The following MORN3 variants were observed in gnomAD, a reference collection of about 807,000 sequenced individuals.
MORN3 encodes the protein MORN repeat-containing protein 3.
In MORN3, 38 loss-of-function variants were observed where a neutral mutation model predicts 34.7. That is an observed-to-expected ratio of 1.10 (90% confidence interval 0.85 to 1.44). The LOEUF (loss-of-function observed/expected upper bound fraction) is 1.44. Ranked by LOEUF, MORN3 falls within the 40% of genes most tolerant of loss-of-function variation. The pLI is 0.00. For missense variants in MORN3, 311 were observed against 321.7 expected, an observed-to-expected ratio of 0.97 and a Z score of 0.25; for synonymous variants, 109 against 115.3, an observed-to-expected ratio of 0.95 and a Z score of 0.35.
chr12:121,664,164 A>G (rs1189234881), intron 1 of MORN3, among the ~76,000 whole-genome samples: 1 of 152,168 alleles, frequency 6.6e-6, no homozygotes, highest in Non-Finnish European at 1.5e-5. Context: ...AGCAAAATGG[A>G]GACATGGAGG....
chr12:121,668,402 G>C (rs1000250885), intron 1 of MORN3, among the ~76,000 whole-genome samples: 2 of 152,080 alleles, frequency 1.3e-5, no homozygotes, highest in Non-Finnish European at 2.9e-5. Context: ...GTAGCCAGGC[G>C]TGGTGGCACA....
chr12:121,660,692 G>C lies in MORN3; in HGVS notation c.146-1344C>G, dbSNP rs1336946409. 2.9e-5 allele frequency among the ~76,000 whole-genome samples: 4 copies of C among 139,648 alleles called. No homozygotes were observed. The Admixed American group carries it at 2.9e-4, about 10-fold the overall frequency. The allele number at this position is 139,648 out of a possible 152,430, so 91.6% of individuals were successfully genotyped here. On this transcript the variant is annotated intron_variant, in intron 1 of 5. Coordinates refer to ENST00000355329, the MANE Select transcript of MORN3 (RefSeq NM_173855.5). ...TTTCTTTTTTTTTTTTTTTAAGACG[G>C]AGTTTTGCTATCGTTGCCTGGGCTG...
At chr12:121,653,285 G>A (rs782732735) in intron 3 of MORN3, 26 bp from the exon 4 acceptor site, 1 of 1,607,548 alleles carries the variant, frequency 6.2e-7, no homozygotes, top group Non-Finnish European at 8.5e-7. Flanking sequence ...GGGAGGTGTG[G>A]TGCAGGGTAC....
chr12:121,657,666 G>A (rs1352982271), intron 2 of MORN3, among the ~76,000 whole-genome samples: 3 of 152,020 alleles, frequency 2.0e-5, no homozygotes, highest in Non-Finnish European at 2.9e-5. Context: ...TCGGGAGTTC[G>A]AGACCAGCCT....
intron 2 of MORN3, 85 bp downstream of exon 2, chr12:121,659,106 C>T: frequency 2.0e-6 from 3 of 1,527,298 alleles, no homozygotes; most frequent in Non-Finnish European, 2.7e-6. Context: ...TCTCCCAGGC[C>T]TCTCTCGGCT....
chr12:121,670,651 A>C (rs2136890270), upstream of MORN3, among the ~76,000 whole-genome samples: 1 of 151,436 alleles, frequency 6.6e-6, no homozygotes, highest in Non-Finnish European at 1.5e-5. Flanking sequence ...TCTACTAAAA[A>C]TACAAAAATT....
chr12:121,671,816 G>A (rs1208292914), upstream of MORN3, among the ~76,000 whole-genome samples: 1 of 151,550 alleles, frequency 6.6e-6, no homozygotes, highest in Non-Finnish European at 1.5e-5. Context: ...GAAAGCGGAT[G>A]TTGCAGTGAG....
At position 121,653,112 on chromosome 12, in the gene MORN3, T is replaced by C. The variant is rs140450523; in HGVS notation, c.611A>G (p.Asp204Gly). The change falls in exon 4 of 6, where the codon GAC becomes GGC. Residue 204 changes from aspartate (D) to glycine (G), a missense_variant. Physicochemically the swap from Asp to Gly is moderately conservative, Grantham distance 94. Transcript: ENST00000355329. ...GAACTGAGTGGGCTCAGGGGCCTCG[T>C]CACGGCCAAAGTCGATCATCGTCCC... Reference protein sequence around the residue: ...KCGTMIDFGRDEAPEPTQFPI... With the variant: ...KCGTMIDFGRGEAPEPTQFPI... 815 of 1,613,926 alleles carry C rather than the reference T, an allele frequency of 5.0e-4. 9 individuals carry two copies. In the East Asian group the frequency reaches 0.018, roughly 35 times the overall value.
chr12:121,648,933 A>C lies in MORN3; in HGVS notation c.*2718T>G, dbSNP rs1893191939. 7.0e-6 allele frequency: 1 copy of C among 142,650 alleles called. No homozygotes were observed. Among genetic ancestry groups the C allele is most frequent in the Non-Finnish European group, 1.5e-5 (1 of 66,680 alleles). The allele number at this position is 142,650 out of a possible 1,614,324, so 8.8% of individuals were successfully genotyped here. On this transcript the variant is annotated 3_prime_UTR_variant, in exon 6 of 6. Coordinates refer to ENST00000355329, the MANE Select transcript of MORN3 (RefSeq NM_173855.5). ...TACATAAACAAGCACACCCTCTTCC[A>C]ACATTTTTTTTTTTTTTGAGATGGA...
rs1594227427 is a variant in MORN3, at chr12:121,659,244, T to C, written c.250A>G (p.Thr84Ala). The C allele has an allele frequency of 6.2e-7, 1 of 1,614,074 alleles. No homozygotes were observed. Among genetic ancestry groups the C allele is most frequent in the Non-Finnish European group, 8.5e-7 (1 of 1,180,008 alleles). Reference sequence around the variant, plus strand: ...GAGTAGACTCTCCTGCACTTTCCTGTCTGTTGGTCAGGAAGGCTGAGGGTG... The same window carrying C: ...GAGTAGACTCTCCTGCACTTTCCTGCCTGTTGGTCAGGAAGGCTGAGGGTG... ...YGTLSLPDQQ[T>A]GKCRRVYSGW... The change falls in exon 2 of 6, where the codon ACA becomes GCA. Residue 84 changes from threonine to alanine, a missense_variant. Thr to Ala is a moderately conservative substitution (Grantham distance 58). Coordinates refer to ENST00000355329, the MANE Select transcript of MORN3 (RefSeq NM_173855.5).
At chr12:121,670,936 C>T (rs1469498969), upstream of MORN3, among the ~76,000 whole-genome samples, 1 of 151,002 alleles carries the variant, frequency 6.6e-6, no homozygotes, top group Admixed American at 6.6e-5. Flanking sequence ...CATGGCGAAA[C>T]CCTGTCTGTA....
upstream of MORN3, among the ~76,000 whole-genome samples, chr12:121,671,225 G>A (rs1893958910): frequency 6.6e-6 from 1 of 150,684 alleles, no homozygotes; most frequent in Middle Eastern, 3.4e-3. Flanking sequence ...GACTAACATG[G>A]TGAAACCCCG....
At chr12:121,670,795 C>T (rs188414829), upstream of MORN3, among the ~76,000 whole-genome samples, 63 of 139,984 alleles carry the variant, frequency 4.5e-4, no homozygotes, top group African/African-American at 1.6e-3. Flanking sequence ...GGAGACAGAG[C>T]AAGACTCAGT....
intron 1 of MORN3, among the ~76,000 whole-genome samples, chr12:121,667,082 T>G (rs1326611126): frequency 6.7e-6 from 1 of 149,098 alleles, no homozygotes; most frequent in Non-Finnish European, 1.5e-5. Flanking sequence ...TATCTCAGCC[T>G]CCCAAGTAGC....
intron 1 of MORN3, among the ~76,000 whole-genome samples, chr12:121,663,402 T>G (rs1227124784): frequency 6.6e-6 from 1 of 152,178 alleles, no homozygotes; most frequent in Non-Finnish European, 1.5e-5. Context: ...TTCCCCATGT[T>G]GGCCAGGCTG....
At chr12:121,671,597 C>G (rs1431777489), upstream of MORN3, among the ~76,000 whole-genome samples, 1 of 149,694 alleles carries the variant, frequency 6.7e-6, no homozygotes, top group Non-Finnish European at 1.5e-5. Flanking sequence ...TAGGAATTAG[C>G]AAGGCCGGGA....
intron 1 of MORN3, among the ~76,000 whole-genome samples, chr12:121,666,567 C>A (rs1003991503): frequency 1.3e-5 from 2 of 151,992 alleles, no homozygotes; most frequent in African/African-American, 4.8e-5. Context: ...AAGATGCTGG[C>A]AGCCATGTGT....
At chr12:121,660,742 C>T (rs897082506) in intron 1 of MORN3, among the ~76,000 whole-genome samples, 1 of 150,096 alleles carries the variant, frequency 6.7e-6, no homozygotes, top group African/African-American at 2.5e-5. Flanking sequence ...GATCTCGGCT[C>T]ACTGCAACTT....
chr12:121,669,216 C>T, intron 1 of MORN3, 123 bp downstream of exon 1: 2 of 1,361,380 alleles, frequency 1.5e-6, no homozygotes, highest in Non-Finnish European at 2.0e-6. Flanking sequence ...CCAGCGCTCA[C>T]CCTGGGGGAG....
Sources: gnomAD v4.1 joint callset for allele counts (sites outside exome capture counted in the v4.1 genomes callset) on GRCh38, gnomAD v4.1.1 for gene constraint, MANE v1.5 for transcripts, NCBI Gene and HGNC (gene_info 2026-07-23, HGNC 2026-07-21) for gene names.